CEL: variants seen among roughly 807,000 people sequenced by gnomAD.
The protein encoded by CEL is carboxyl ester lipase, also known as bile salt-activated lipase.
CEL carries 39 observed loss-of-function variants against 57.1 expected under a neutral mutation model. That is an observed-to-expected ratio of 0.68 (90% CI 0.53 to 0.89). The LOEUF is 0.89. CEL is among the 40% of genes least tolerant of loss of function. CEL has a pLI of 0.00. For synonymous variants in CEL, 314 were observed against 396.6 expected, an observed-to-expected ratio of 0.79 and a Z score of 2.48; for missense variants, 698 against 915.0, an observed-to-expected ratio of 0.76 and a Z score of 3.06.
At position 133,071,066 on chromosome 9, in the gene CEL, A is replaced by G. The variant is rs768800487; in HGVS notation, c.1564A>G (p.Thr522Ala). ...GGAAAACAGCGGCTACCTGGAGATC[A>G]CCAAGAAGATGGGCAGCAGCTCCAT... Reference protein sequence around the residue: ...TTENSGYLEITKKMGSSSMKR... With the variant: ...TTENSGYLEIAKKMGSSSMKR... Residue 522 changes from threonine (T) to alanine (A), a missense_variant, in exon 11 of 11, where the codon ACC (threonine) becomes GCC (alanine). By Grantham distance (58) the Thr-to-Ala change is moderately conservative. Coordinates refer to ENST00000372080, the MANE Select transcript of CEL (RefSeq NM_001807.6). 20 of 1,612,972 alleles carry G rather than the reference A, an allele frequency of 1.2e-5. No homozygotes were observed. Among genetic ancestry groups the G allele is most frequent in the Non-Finnish European group, 1.7e-5 (20 of 1,179,800 alleles).
intron 1 of CEL, among the ~76,000 whole-genome samples, chr9:133,063,926 C>A (rs1757532112): frequency 6.6e-6 from 1 of 152,118 alleles, no homozygotes; most frequent in African/African-American, 2.4e-5. Context: ...GCAGGCCCCA[C>A]CCCTCAGAAA....
intron 9 of CEL, among the ~76,000 whole-genome samples, chr9:133,069,729 G>A (rs187437986): frequency 1.4e-4 from 21 of 152,264 alleles, no homozygotes; most frequent in Non-Finnish European, 2.4e-4. Context: ...CCAGCACATT[G>A]GGAGGTCAAG....
rs116169391 is a variant in CEL, at chr9:133,070,584, C to T, written c.1410C>T (p.Pro470=). 2.6e-4 allele frequency: 421 copies of T among 1,612,414 alleles called. 2 individuals are homozygous for T. The African/African-American group carries it at 5.0e-3, about 19-fold the overall frequency. Residue 470 remains proline (P), a synonymous_variant, in exon 10 of 11, where the codon CCC becomes CCT. Transcript: ENST00000372080. The stretch of plus-strand genomic sequence containing the variant: ...TTTTCGGGAAGCCCTTCGCCACCCC[C>T]ACGGGCTACCGGCCCCAAGACAGGA... The part of the protein sequence containing the change: ...QYVFGKPFAT[P]TGYRPQDRTV...
intron 1 of CEL, among the ~76,000 whole-genome samples, chr9:133,063,691 A>G (rs1419309000): frequency 6.6e-6 from 1 of 152,216 alleles, no homozygotes; most frequent in East Asian, 1.9e-4. Context: ...CGTCAGGGAC[A>G]GAGGGTGGAT....
rs764316476 is a variant in CEL, at chr9:133,064,675, C to T, written c.253C>T (p.Leu85=). The part of the protein sequence containing the change: ...LKAKNFKKRC[L]QATITQDSTY... ...GGCCAAGAACTTCAAGAAGAGATGC[C>T]TGCAGGCCACCATCACCCAGGACAG... The change falls in exon 3 of 11, where the codon CTG becomes TTG. Residue 85 remains leucine, a synonymous_variant. Transcript: ENST00000372080. 6.2e-7 allele frequency: 1 copy of T among 1,613,974 alleles called. No individual in the cohort carries two copies. The highest frequency in any genetic ancestry group is 8.5e-7 in the Non-Finnish European group (1 of 1,180,022).
intron 1 of CEL, among the ~76,000 whole-genome samples, chr9:133,063,555 C>G (rs1453793292): frequency 6.6e-6 from 1 of 152,212 alleles, no homozygotes; most frequent in East Asian, 1.9e-4. Flanking sequence ...CAAGCAATGA[C>G]CTGGTCCCAC....
At chr9:133,064,364 G>A in intron 1 of CEL, 40 bp from the exon 2 acceptor site, 2 of 1,611,510 alleles carry the variant, frequency 1.2e-6, no homozygotes, top group Non-Finnish European at 1.7e-6. Context: ...AGGCCGATGG[G>A]GCTTGAGCCC....
Position 133,066,332 on chromosome 9 carries a change from C to T in CEL, c.539-198C>T, listed in dbSNP as rs565741461. ...CCACCCACTCCAGCAACCAACGTGA[C>T]CTAGTCTCCTGGGGACCCACCCCCT... is the stretch of plus-strand genomic sequence containing the variant. On this transcript the variant is annotated intron_variant, in intron 4 of 10. Transcript: ENST00000372080. This position sits in a 1 kb window ranked among gnomAD's most constrained non-coding sequence, Gnocchi z 4.3. Among the ~76,000 whole-genome samples the T allele has an allele frequency of 3.9e-5, 6 of 152,224 alleles. No homozygotes were observed. The East Asian group carries it at 5.8e-4, about 15-fold the overall frequency.
At chr9:133,063,277 C>T (rs1176633564) in intron 1 of CEL, among the ~76,000 whole-genome samples, 2 of 152,212 alleles carry the variant, frequency 1.3e-5, no homozygotes, top group Non-Finnish European at 2.9e-5. Flanking sequence ...ATTTCCCCAC[C>T]CTGAGGCCCT....
chr9:133,069,621 C>G (rs1830232953), intron 9 of CEL, among the ~76,000 whole-genome samples: 1 of 151,976 alleles, frequency 6.6e-6, no homozygotes, highest in South Asian at 2.1e-4. Flanking sequence ...TCAACTTTGC[C>G]CATAATTTCA....
chr9:133,070,777 T>G, intron 10 of CEL, 119 bp downstream of exon 10: 1 of 1,328,226 alleles, frequency 7.5e-7, no homozygotes, highest in African/African-American at 1.4e-5. Context: ...AACCTCCCCC[T>G]GCATCGGAAT....
Position 133,071,298 on chromosome 9 carries a change from C to A in CEL, c.1796C>A (p.Ser599Tyr). The change falls in exon 11 of 11, where the codon TCC (serine) becomes TAC (tyrosine). Residue 599 changes from serine to tyrosine, a missense_variant. This residue lies in a region of CEL where 238 missense variants were observed against 213.7 expected (regional missense o/e 1.11). Transcript: ENST00000372080. ...GAPPVPPTGD[S>Y]GAPPVPPTGD... ...CCCCCCGTGCCGCCCACGGGTGACT[C>A]CGGGGCCCCCCCCGTGCCGCCCACG... 1.8e-6 allele frequency: 1 copy of A among 561,694 alleles called. No homozygotes were observed. Among genetic ancestry groups the A allele is most frequent in the Non-Finnish European group, 3.0e-6 (1 of 329,280 alleles). The allele number at this position is 561,694 out of a possible 1,614,324, so 34.8% of individuals were successfully genotyped here.
At chr9:133,067,267 A>T in intron 7 of CEL, 62 bp downstream of exon 7, 1 of 1,422,550 alleles carries the variant, frequency 7.0e-7, no homozygotes, top group Non-Finnish European at 9.9e-7. Flanking sequence ...GGGTACTGCC[A>T]GGGAGTACTC....
chr9:133,068,192 C>T (rs557574306), intron 7 of CEL, among the ~76,000 whole-genome samples: 4 of 152,316 alleles, frequency 2.6e-5, no homozygotes, highest in Admixed American at 6.5e-5. Context: ...TCTAGGGGCC[C>T]GTCCAGGGGT....
chr9:133,064,220 A>G (rs951447479), intron 1 of CEL, among the ~76,000 whole-genome samples, 184 bp from the exon 2 acceptor site: 1 of 152,194 alleles, frequency 6.6e-6, no homozygotes, highest in Non-Finnish European at 1.5e-5. Flanking sequence ...TAAGGAGAGG[A>G]ACAGGAATCC....
In CEL at chr9:133,070,518, C is replaced by T; in HGVS notation, c.1344C>T (p.Pro448=). 1 of 1,614,000 alleles carries T rather than the reference C, an allele frequency of 6.2e-7. No individual in the cohort carries two copies. The highest frequency in any genetic ancestry group is 8.5e-7 in the Non-Finnish European group (1 of 1,180,002). The change falls in exon 10 of 11, where the codon CCC becomes CCT. Residue 448 remains proline (P), a synonymous_variant. Coordinates refer to ENST00000372080, the MANE Select transcript of CEL (RefSeq NM_001807.6). ...ATCCCTCTCGGATGCCCGTCTACCCCAAATGGGTGGGGGCCGACCATGCAG... is the reference window on the plus strand; with the variant it reads ...ATCCCTCTCGGATGCCCGTCTACCCTAAATGGGTGGGGGCCGACCATGCAG... The part of the protein sequence containing the change: ...FSHPSRMPVY[P]KWVGADHADD...
At chr9:133,067,605 C>T (rs941607984) in intron 7 of CEL, among the ~76,000 whole-genome samples, 2 of 152,134 alleles carry the variant, frequency 1.3e-5, no homozygotes, top group African/African-American at 4.8e-5. Context: ...GGTCTTGGGA[C>T]CTCATGATCT....
Position 133,064,684 on chromosome 9 carries a change from A to T in CEL, c.262A>T (p.Thr88Ser). The change falls in exon 3 of 11, where the codon ACC becomes TCC. Residue 88 changes from threonine (T) to serine (S), a missense_variant. Physicochemically the swap from Thr to Ser is moderately conservative, Grantham distance 58 (BLOSUM62 1). This residue lies in a region of CEL where 327 missense variants were observed against 374.1 expected (regional missense o/e 0.87). Transcript: ENST00000372080. ...CTTCAAGAAGAGATGCCTGCAGGCC[A>T]CCATCACCCAGGACAGCACCTACGG... ...KNFKKRCLQA[T>S]ITQDSTYGDE... The T allele has an allele frequency of 6.2e-7, 1 of 1,614,084 alleles. No individual in the cohort carries two copies.
At chr9:133,063,549 C>A (rs2119057290) in intron 1 of CEL, among the ~76,000 whole-genome samples, 1 of 152,330 alleles carries the variant, frequency 6.6e-6, no homozygotes, top group South Asian at 2.1e-4. Flanking sequence ...AGCCAGCAAG[C>A]AATGACCTGG....
Sources: gnomAD v4.1 joint callset for allele counts (sites outside exome capture counted in the v4.1 genomes callset) on GRCh38, gnomAD v4.1.1 for gene constraint, gnomAD v4.1.1 regional missense constraint, Gnocchi (gnomAD v3.1) non-coding constraint, MANE v1.5 for transcripts, NCBI Gene and HGNC (gene_info 2026-07-23, HGNC 2026-07-21) for gene names.